The following YAF2 variants were observed in gnomAD, a reference collection of about 807,000 sequenced individuals.
YAF2 encodes YY1-associated factor 2.
In YAF2, 7 loss-of-function variants were observed where a neutral mutation model predicts 20.1. The observed-to-expected ratio is 0.35, with a 90% CI of 0.20 to 0.65. YAF2 has a LOEUF of 0.65. YAF2 is among the 30% of genes least tolerant of loss of function. The probability of loss-of-function intolerance (pLI) is 0.69; values close to 1 mark genes in which losing one functional copy is unlikely to be tolerated. For missense variants in YAF2, 151 were observed against 219.2 expected (o/e 0.69, Z 1.96); for synonymous variants, 74 against 76.0 (o/e 0.97, Z 0.14).
chr12:42,223,814 G>T (rs1049658192), intron 2 of YAF2, among the ~76,000 whole-genome samples: 1 of 146,354 alleles, frequency 6.8e-6, no homozygotes, highest in Non-Finnish European at 1.5e-5. Flanking sequence ...TCATAAGTGG[G>T]AGTTGAACAA....
Position 42,238,222 on chromosome 12 carries a change from G to C in YAF2, c.-42C>G, listed in dbSNP as rs1040220959. The C allele has an allele frequency of 6.4e-6, 9 of 1,399,930 alleles. No homozygotes were observed. The Admixed American group carries it at 8.8e-5, about 14-fold the overall frequency. The allele number at this position is 1,399,930 out of a possible 1,614,324, so 86.7% of individuals were successfully genotyped here. On this transcript the variant is annotated 5_prime_UTR_variant, in exon 1 of 4. Transcript: ENST00000534854. Reference sequence around the variant, plus strand: ...CACGCCGAGAGTCGCCGCCGCGACCGCTCTGTTTGTCAATAAGGAGGATAA... The same window carrying C: ...CACGCCGAGAGTCGCCGCCGCGACCCCTCTGTTTGTCAATAAGGAGGATAA...
In YAF2 at chr12:42,227,676, C is replaced by T. The variant is rs565194121; in HGVS notation, c.152+9923G>A. ...CCGTCTGAGAAGTGAGGAGCCTCTC[C>T]GCCCGGCAGCCACCCCATCTGGGAA... On this transcript the variant is annotated intron_variant, in intron 2 of 3. Transcript: ENST00000534854. 1.8e-3 allele frequency among the ~76,000 whole-genome samples: 267 copies of T among 145,882 alleles called. 3 individuals are homozygous for T. The highest frequency in any genetic ancestry group is 5.8e-3 in the Admixed American group (87 of 14,902).
chr12:42,228,656 T>TGG (rs71434397), intron 2 of YAF2, among the ~76,000 whole-genome samples: 33 of 18,170 alleles, frequency 1.8e-3, no homozygotes, highest in East Asian at 9.5e-3. Flanking sequence ...GGGAGGGAGG[T>TGG]GGGGGGGGGG....
chr12:42,165,452 G>GGTTTTT (rs375008305), intron 2 of YAF2, among the ~76,000 whole-genome samples: 1,982 of 151,914 alleles, frequency 0.013, 38 homozygotes, highest in African/African-American at 0.044. Flanking sequence ...ATGGCCAAAA[G>GGTTTTT]GTTTTTGTTT....
chr12:42,212,409 T>G (rs183219186), intron 2 of YAF2: 1 of 436,440 alleles, frequency 2.3e-6, no homozygotes, highest in African/African-American at 2.0e-5. Flanking sequence ...AGATATATTT[T>G]AATACCCTTT....
chr12:42,233,814 G>A lies in YAF2; in HGVS notation c.152+3785C>T, dbSNP rs941071786. The A allele has an allele frequency of 7.1e-6, 7 of 985,332 alleles. No individual in the cohort carries two copies. In the African/African-American group the frequency reaches 1.2e-4, roughly 17 times the overall value. 61.0% of individuals were successfully genotyped at this position (985,332 alleles called of 1,614,324 possible). Reference sequence around the variant, plus strand: ...AGGTGTGGGCCACTGGGCCAGCCAAGAATGATCCTTAATTTCCTAAAGTTT... The same window carrying A: ...AGGTGTGGGCCACTGGGCCAGCCAAAAATGATCCTTAATTTCCTAAAGTTT... On this transcript the variant is annotated intron_variant, in intron 2 of 3. Transcript: ENST00000534854.
At chr12:42,165,701 G>A (rs748072720) in intron 2 of YAF2, among the ~76,000 whole-genome samples, 75 of 149,294 alleles carry the variant, frequency 5.0e-4, no homozygotes, top group Non-Finnish European at 9.7e-4. Context: ...TCGATCTCCT[G>A]ACCTCATGAT....
At chr12:42,216,580 G>C (rs1279944206) in intron 2 of YAF2, among the ~76,000 whole-genome samples, 1 of 151,758 alleles carries the variant, frequency 6.6e-6, no homozygotes, top group East Asian at 1.9e-4. Context: ...GTCTCTCCTA[G>C]GTCTCTTTTC....
At chr12:42,232,367 A>G (rs2068008079) in intron 2 of YAF2, 1 of 925,628 alleles carries the variant, frequency 1.1e-6, no homozygotes, top group Middle Eastern at 5.6e-4. Flanking sequence ...TCAACTAAAA[A>G]GATCTCAGGG....
chr12:42,185,720 T>C (rs747287021), intron 2 of YAF2, among the ~76,000 whole-genome samples: 3 of 152,224 alleles, frequency 2.0e-5, no homozygotes, highest in Non-Finnish European at 2.9e-5. Context: ...TTAAGGTATA[T>C]ACATTGTTGT....
chr12:42,216,019 A>G (rs1216912551), intron 2 of YAF2, among the ~76,000 whole-genome samples: 2 of 152,068 alleles, frequency 1.3e-5, no homozygotes, highest in African/African-American at 4.8e-5. Flanking sequence ...CTTGACACCA[A>G]CAAGTACCCA....
intron 2 of YAF2, among the ~76,000 whole-genome samples, chr12:42,188,226 A>G (rs1033389547): frequency 1.3e-5 from 2 of 152,164 alleles, no homozygotes; most frequent in Non-Finnish European, 2.9e-5. Context: ...AGAGAGAAAA[A>G]GGGAGAGGAA....
intron 2 of YAF2, among the ~76,000 whole-genome samples, chr12:42,171,234 G>A (rs975596013): frequency 1.8e-4 from 27 of 152,098 alleles, no homozygotes; most frequent in Admixed American, 1.8e-3. Flanking sequence ...CAAGTGATCC[G>A]CCCACCTTGG....
In YAF2 at chr12:42,227,861, C is replaced by T. The variant is rs1291152481; in HGVS notation, c.152+9738G>A. Reference sequence around the variant, plus strand: ...GAGGGAGGTGGGGGGGTCAGCCCCCCGCCCCGCCAGCCGCCCCGTCCGGGA... The same window carrying T: ...GAGGGAGGTGGGGGGGTCAGCCCCCTGCCCCGCCAGCCGCCCCGTCCGGGA... On this transcript the variant is annotated intron_variant, in intron 2 of 3. Transcript: ENST00000534854. 4.9e-5 allele frequency among the ~76,000 whole-genome samples: 7 copies of T among 143,240 alleles called. No homozygotes were observed. The East Asian group carries it at 6.7e-4, about 14-fold the overall frequency. 94.0% of individuals were successfully genotyped at this position (143,240 alleles called of 152,430 possible).
chr12:42,168,470 C>A (rs1439542342), intron 2 of YAF2, among the ~76,000 whole-genome samples: 1 of 152,120 alleles, frequency 6.6e-6, no homozygotes, highest in Non-Finnish European at 1.5e-5. Flanking sequence ...ATGTGAGCCA[C>A]CATGCCTGGC....
Position 42,228,264 on chromosome 12 carries a change from C to A in YAF2, c.152+9335G>T, listed in dbSNP as rs1432637051. Among the ~76,000 whole-genome samples, 38 of 73,358 alleles carry A rather than the reference C, an allele frequency of 5.2e-4. 1 individual carries two copies. The highest frequency in any genetic ancestry group is 2.6e-3 in the African/African-American group (34 of 13,112). The allele number at this position is 73,358 out of a possible 152,430, so 48.1% of individuals were successfully genotyped here. A position where few individuals can be genotyped will look rare whatever the true frequency, so the allele number is the denominator to read the frequency against. ...GGGAGGTGGGGGTGTCGGCCCCCCG[C>A]CCGCGCCAGCCGCCCCGTCCGGGAG... On this transcript the variant is annotated intron_variant, in intron 2 of 3. Coordinates refer to ENST00000534854, the MANE Select transcript of YAF2 (RefSeq NM_005748.6).
chr12:42,200,951 CCT>C (rs1334536951), intron 2 of YAF2, among the ~76,000 whole-genome samples: 2 of 152,052 alleles, frequency 1.3e-5, no homozygotes, highest in Non-Finnish European at 2.9e-5. Flanking sequence ...AATGATAGTA[CCT>C]CTTTCTGACT....
In YAF2 at chr12:42,160,838, A is replaced by G. The variant is rs1179153218; in HGVS notation, c.306-12T>C. 1.3e-6 allele frequency: 2 copies of G among 1,582,970 alleles called. No individual in the cohort carries two copies. Among genetic ancestry groups the G allele is most frequent in the Non-Finnish European group, 1.7e-6 (2 of 1,166,286 alleles). On this transcript the variant is annotated splice_polypyrimidine_tract_variant and intron_variant, in intron 3 of 3. Transcript: ENST00000534854. ...TTTTCAATCTTGGCCTAAACATAAAAAAATGAAATTTTAAACTAGCTTTTC... is the reference window on the plus strand; with the variant it reads ...TTTTCAATCTTGGCCTAAACATAAAGAAATGAAATTTTAAACTAGCTTTTC...
chr12:42,227,528 G>T (rs773005250), intron 2 of YAF2, among the ~76,000 whole-genome samples: 1 of 146,248 alleles, frequency 6.8e-6, no homozygotes, highest in African/African-American at 2.6e-5. Context: ...CTGCCCTGCC[G>T]AGACCCCGTC....
Sources: allele counts gnomAD v4.1 joint callset (sites outside exome capture counted in the v4.1 genomes callset), GRCh38; gene constraint gnomAD v4.1.1; transcripts MANE v1.5; gene names NCBI Gene and HGNC (gene_info 2026-07-23, HGNC 2026-07-21).